Variants in ZNF423 observed in about 807,000 individuals in gnomAD.
ZNF423 encodes the protein Ebf-associated zinc finger protein.
In ZNF423, 12 loss-of-function variants were observed where a neutral mutation model predicts 95.8. The observed-to-expected ratio is 0.13, with a 90% CI of 0.08 to 0.20. The LOEUF (loss-of-function observed/expected upper bound fraction) is 0.20, where lower values mean the gene tolerates loss of function less well. Among genes scored for constraint, ZNF423 ranks in the 10% least tolerant of loss-of-function variants. ZNF423 has a pLI of 1.00. For synonymous variants in ZNF423, 749 were observed against 711.9 expected, an observed-to-expected ratio of 1.05 and a Z score of -0.83; for missense variants, 1,316 against 1,737.1, an observed-to-expected ratio of 0.76 and a Z score of 4.31.
intron 7 of ZNF423, among the ~76,000 whole-genome samples, 169 bp downstream of exon 7, chr16:49,523,455 C>A (rs1307393954): frequency 6.6e-6 from 1 of 152,236 alleles, no homozygotes; most frequent in Non-Finnish European, 1.5e-5. Flanking sequence ...GCTGGGCTGG[C>A]AGAGGCCAGG....
At chr16:49,804,724 A>T (rs1440048792) in intron 1 of ZNF423, among the ~76,000 whole-genome samples, 2 of 152,140 alleles carry the variant, frequency 1.3e-5, no homozygotes, top group Non-Finnish European at 2.9e-5. Flanking sequence ...TCAAATCCCA[A>T]TCCACCATAT....
At chr16:49,491,437 A>G in intron 7 of ZNF423, 133 bp from the exon 8 acceptor site, 2 of 1,143,018 alleles carry the variant, frequency 1.7e-6, no homozygotes, top group Non-Finnish European at 2.6e-6. Flanking sequence ...TGCAACAAGG[A>G]AAAAGTGCTC....
intron 3 of ZNF423, among the ~76,000 whole-genome samples, chr16:49,689,095 T>C (rs1239513368): frequency 1.3e-5 from 2 of 152,116 alleles, no homozygotes; most frequent in African/African-American, 4.8e-5. Flanking sequence ...TTCCTACTGA[T>C]GTGTTGATTC....
intron 1 of ZNF423, chr16:49,854,112 T>A (rs1284040148): frequency 1.0e-6 from 1 of 985,022 alleles, no homozygotes; most frequent in East Asian, 1.1e-4. Context: ...CTTCTTGGAG[T>A]CTCTCTTCTG....
At chr16:49,664,563 T>C (rs1315792570) in intron 3 of ZNF423, among the ~76,000 whole-genome samples, 1 of 144,278 alleles carries the variant, frequency 6.9e-6, no homozygotes, top group Non-Finnish European at 1.5e-5. Context: ...GTGCTGAGGC[T>C]GGGGTTAAAG....
At chr16:49,818,279 A>G (rs928000802) in intron 1 of ZNF423, among the ~76,000 whole-genome samples, 3 of 152,232 alleles carry the variant, frequency 2.0e-5, no homozygotes, top group African/African-American at 7.2e-5. Flanking sequence ...CCGGGCGCCC[A>G]CAGAGATTCT....
At chr16:49,682,103 G>A (rs887630816) in intron 3 of ZNF423, among the ~76,000 whole-genome samples, 2 of 149,944 alleles carry the variant, frequency 1.3e-5, no homozygotes, top group Non-Finnish European at 2.9e-5. Flanking sequence ...CTTCCCCTTC[G>A]GAAGCCAGCT....
intron 3 of ZNF423, among the ~76,000 whole-genome samples, chr16:49,672,593 G>T (rs1168795664): frequency 6.6e-6 from 1 of 152,168 alleles, no homozygotes. Context: ...GAGGCAGATG[G>T]ATCACCTGAG....
chr16:49,525,283 C>T (rs1968558363), intron 6 of ZNF423, 80 bp downstream of exon 6: 2 of 1,573,002 alleles, frequency 1.3e-6, no homozygotes, highest in Admixed American at 1.7e-5. Context: ...AGGAAGAGCA[C>T]ACACTGGGAT....
intron 5 of ZNF423, among the ~76,000 whole-genome samples, chr16:49,579,077 A>G (rs1028554248): frequency 2.2e-4 from 33 of 152,264 alleles, no homozygotes; most frequent in South Asian, 1.0e-3. Flanking sequence ...AGAGGGTGGG[A>G]GAGACACAGA....
At chr16:49,805,300 A>G (rs1032937550) in intron 1 of ZNF423, among the ~76,000 whole-genome samples, 2 of 152,174 alleles carry the variant, frequency 1.3e-5, no homozygotes, top group African/African-American at 4.8e-5. Context: ...GACAACCATC[A>G]CATACCTGTA....
intron 3 of ZNF423, among the ~76,000 whole-genome samples, chr16:49,695,384 C>T (rs565624449): frequency 9.8e-4 from 150 of 152,348 alleles, no homozygotes; most frequent in African/African-American, 3.6e-3. Context: ...CCTCCACCTC[C>T]CAGGTTCAAG....
chr16:49,773,227 G>T (rs1359728101), intron 2 of ZNF423, among the ~76,000 whole-genome samples: 2 of 152,114 alleles, frequency 1.3e-5, no homozygotes, highest in Admixed American at 1.3e-4. Context: ...TCTGAGGCAG[G>T]AGAATCGCTT....
chr16:49,581,426 C>G (rs1970671806), intron 5 of ZNF423, among the ~76,000 whole-genome samples: 1 of 152,188 alleles, frequency 6.6e-6, no homozygotes, highest in Admixed American at 6.5e-5. Context: ...TCTGCAGAGA[C>G]ACCGAAATGA....
At chr16:49,664,220 A>G in intron 3 of ZNF423, 1 of 985,448 alleles carries the variant, frequency 1.0e-6, no homozygotes, top group Non-Finnish European at 1.2e-6. Flanking sequence ...CCACCGGCCC[A>G]CTGGTGATCT....
chr16:49,646,469 T>C (rs1404178037), intron 3 of ZNF423, among the ~76,000 whole-genome samples: 1 of 152,118 alleles, frequency 6.6e-6, no homozygotes, highest in Non-Finnish European at 1.5e-5. Context: ...AGAGGGTGCA[T>C]AGCTCCTCCC....
chr16:49,616,567 C>G (rs1220386151), intron 5 of ZNF423, among the ~76,000 whole-genome samples: 1 of 151,876 alleles, frequency 6.6e-6, no homozygotes, highest in Non-Finnish European at 1.5e-5. Context: ...TATTGCATGC[C>G]TGTATCGAAA....
intron 5 of ZNF423, among the ~76,000 whole-genome samples, chr16:49,527,368 C>T (rs773513633): frequency 1.3e-5 from 2 of 152,210 alleles, no homozygotes; most frequent in African/African-American, 2.4e-5. Flanking sequence ...TCAGCACGCT[C>T]GCCCTGCAGG....
At chr16:49,685,684 T>C (rs1028992874) in intron 3 of ZNF423, among the ~76,000 whole-genome samples, 2 of 152,146 alleles carry the variant, frequency 1.3e-5, no homozygotes, top group East Asian at 3.9e-4. Context: ...ACACCCTCTG[T>C]TCTCGGTCCC....
Sources: allele counts gnomAD v4.1 joint callset (sites outside exome capture counted in the v4.1 genomes callset), GRCh38; gene constraint gnomAD v4.1.1; transcripts MANE v1.5; gene names NCBI Gene and HGNC (gene_info 2026-07-23, HGNC 2026-07-21).